NEGR1: variants seen among roughly 807,000 people sequenced by gnomAD.
The protein encoded by NEGR1 is neuronal growth regulator 1.
Under a neutral mutation model 40.9 loss-of-function variants are expected in NEGR1, and 10 were observed. That is an observed-to-expected ratio of 0.24 (90% confidence interval 0.15 to 0.42). The LOEUF is 0.42. Among genes scored for constraint, NEGR1 ranks in the 10% least tolerant of loss-of-function variants. The pLI, the probability that NEGR1 is intolerant of heterozygous loss-of-function variation, is 1.00. For synonymous variants in NEGR1, 185 were observed against 166.8 expected, an observed-to-expected ratio of 1.11 and a Z score of -0.84; for missense variants, 352 against 438.9, an observed-to-expected ratio of 0.80 and a Z score of 1.77.
chr1:71,652,772 G>C (rs1482362240), intron 4 of NEGR1, among the ~76,000 whole-genome samples: 1 of 152,028 alleles, frequency 6.6e-6, no homozygotes, highest in Non-Finnish European at 1.5e-5. Flanking sequence ...GCTGAGGTGG[G>C]AGGATCGTTT....
At chr1:71,743,861 T>G (rs1005236870) in intron 3 of NEGR1, among the ~76,000 whole-genome samples, 9 of 152,220 alleles carry the variant, frequency 5.9e-5, no homozygotes, top group Admixed American at 5.9e-4. Context: ...ATTGAAGTAG[T>G]AGACTGCACT....
chr1:72,203,969 A>C (rs577609234), intron 1 of NEGR1, among the ~76,000 whole-genome samples: 16 of 152,260 alleles, frequency 1.1e-4, no homozygotes, highest in African/African-American at 3.6e-4. Context: ...TGTACACTTA[A>C]TAGACTTCAG....
chr1:72,115,645 A>G (rs1569989685), intron 1 of NEGR1, among the ~76,000 whole-genome samples: 1 of 151,654 alleles, frequency 6.6e-6, no homozygotes, highest in African/African-American at 2.4e-5. Context: ...AAAAGTGGGG[A>G]AAGGTCGTGT....
At chr1:71,595,350 A>G (rs1649660651) in intron 5 of NEGR1, among the ~76,000 whole-genome samples, 1 of 152,192 alleles carries the variant, frequency 6.6e-6, no homozygotes, top group African/African-American at 2.4e-5. Flanking sequence ...ATTACTAGAG[A>G]AATCTAAAGC....
chr1:71,902,859 A>G (rs1661177180), intron 2 of NEGR1, among the ~76,000 whole-genome samples: 1 of 152,092 alleles, frequency 6.6e-6, no homozygotes, highest in South Asian at 2.1e-4. Context: ...GTATACTTAA[A>G]TTATAAATCA....
At position 71,883,426 on chromosome 1, in the gene NEGR1, T is replaced by G. The variant is rs190151244; in HGVS notation, c.409+51653A>C. On this transcript the variant is annotated intron_variant, in intron 2 of 6. Transcript: ENST00000357731. ...TAAATAAATAGAAAAATAAAAGCCC[T>G]GATTTTTTTGCTCAACAAGAAGTTA... Among the ~76,000 whole-genome samples the G allele has an allele frequency of 2.1e-3, 319 of 152,244 alleles. 3 individuals carry two copies. Among genetic ancestry groups the G allele is most frequent in the African/African-American group, 6.7e-3 (279 of 41,570 alleles).
chr1:71,954,872 T>A (rs1448351656), intron 1 of NEGR1, among the ~76,000 whole-genome samples: 1 of 152,110 alleles, frequency 6.6e-6, no homozygotes, highest in Non-Finnish European at 1.5e-5. Flanking sequence ...ATTACCATCA[T>A]CATTGCCATC....
intron 3 of NEGR1, among the ~76,000 whole-genome samples, chr1:71,698,509 T>C (rs1396933988): frequency 1.3e-5 from 2 of 151,900 alleles, no homozygotes; most frequent in Non-Finnish European, 2.9e-5. Context: ...ACTTCTCTAC[T>C]GTGTGAGCTA....
chr1:71,754,526 T>C (rs6686704), intron 3 of NEGR1, among the ~76,000 whole-genome samples: 1 of 151,776 alleles, frequency 6.6e-6, no homozygotes, highest in Non-Finnish European at 1.5e-5. Context: ...AGATACATGG[T>C]GTTGCCATAC....
chr1:72,217,266 A>G (rs1653853644), intron 1 of NEGR1, among the ~76,000 whole-genome samples: 1 of 151,866 alleles, frequency 6.6e-6, no homozygotes, highest in Non-Finnish European at 1.5e-5. Context: ...TGATGTTTCA[A>G]TTATGAAAAT....
intron 5 of NEGR1, among the ~76,000 whole-genome samples, chr1:71,597,640 G>T (rs950510974): frequency 3.3e-5 from 5 of 151,628 alleles, no homozygotes; most frequent in African/African-American, 9.7e-5. Flanking sequence ...ATTGTGGCTG[G>T]GCATGGTGGC....
intron 5 of NEGR1, among the ~76,000 whole-genome samples, chr1:71,603,751 A>G (rs990262005): frequency 6.6e-5 from 10 of 152,146 alleles, no homozygotes; most frequent in African/African-American, 2.4e-4. Flanking sequence ...GTCCATTTGT[A>G]TTGTATTCTT....
chr1:71,497,197 G>A (rs916078936), intron 6 of NEGR1, among the ~76,000 whole-genome samples: 3 of 152,058 alleles, frequency 2.0e-5, no homozygotes, highest in Non-Finnish European at 2.9e-5. Context: ...ATTGATAGAC[G>A]TTTTTTCTAT....
intron 3 of NEGR1, among the ~76,000 whole-genome samples, chr1:71,766,875 C>T (rs1460799682): frequency 6.6e-6 from 1 of 152,128 alleles, no homozygotes; most frequent in African/African-American, 2.4e-5. Flanking sequence ...GAACCTCCCC[C>T]TTCTCTCTCT....
At chr1:71,912,317 C>T (rs900364053) in intron 2 of NEGR1, among the ~76,000 whole-genome samples, 1 of 152,164 alleles carries the variant, frequency 6.6e-6, no homozygotes, top group Non-Finnish European at 1.5e-5. Context: ...CTTCCCACAT[C>T]TCATAACTCT....
At chr1:71,903,225 T>A (rs1661186827) in intron 2 of NEGR1, among the ~76,000 whole-genome samples, 1 of 152,030 alleles carries the variant, frequency 6.6e-6, no homozygotes, top group Admixed American at 6.5e-5. Context: ...TGACTTTTGA[T>A]GTCATTGTGA....
chr1:72,277,890 A>G (rs947508314), intron 1 of NEGR1, among the ~76,000 whole-genome samples: 5 of 152,120 alleles, frequency 3.3e-5, no homozygotes, highest in African/African-American at 1.2e-4. Flanking sequence ...AGTACACCAT[A>G]ATTGATTTTT....
chr1:71,479,146 A>G (rs1341341759), intron 6 of NEGR1, among the ~76,000 whole-genome samples: 1 of 152,012 alleles, frequency 6.6e-6, no homozygotes, highest in East Asian at 1.9e-4. Flanking sequence ...CCATTACAGA[A>G]ATAGCATAAA....
intron 4 of NEGR1, among the ~76,000 whole-genome samples, chr1:71,621,854 C>T (rs1650619511): frequency 6.6e-6 from 1 of 151,754 alleles, no homozygotes; most frequent in Admixed American, 6.6e-5. Context: ...TATAAATGAT[C>T]TGATACTGTG....
Sources: allele counts gnomAD v4.1 joint callset (sites outside exome capture counted in the v4.1 genomes callset), GRCh38; gene constraint gnomAD v4.1.1; transcripts MANE v1.5; gene names NCBI Gene and HGNC (gene_info 2026-07-23, HGNC 2026-07-21).